The following EML1 variants were observed in gnomAD, a reference collection of about 807,000 sequenced individuals.
EML1 encodes echinoderm microtubule-associated protein-like 1.
In EML1, 27 loss-of-function variants were observed where a neutral mutation model predicts 110.4. The observed-to-expected ratio is 0.24, with a 90% confidence interval of 0.18 to 0.34. The LOEUF is 0.34. EML1 is among the 10% of genes least tolerant of loss of function. The pLI, the probability that EML1 is intolerant of heterozygous loss-of-function variation, is 1.00. For synonymous variants in EML1, 344 were observed against 385.8 expected (o/e 0.89, Z 1.27); for missense variants, 741 against 1,030.9 (o/e 0.72, Z 3.85).
chr14:99,924,857 T>C (rs771364889), intron 17 of EML1, among the ~76,000 whole-genome samples: 23 of 152,224 alleles, frequency 1.5e-4, no homozygotes, highest in Non-Finnish European at 2.8e-4. Context: ...GTTTCATCCT[T>C]CATCTTATTT....
intron 1 of EML1, among the ~76,000 whole-genome samples, chr14:99,795,426 C>G (rs546754572): frequency 6.6e-6 from 1 of 152,198 alleles, no homozygotes; most frequent in African/African-American, 2.4e-5. Context: ...TATTGAATTA[C>G]TTTTCTCAAA....
intron 1 of EML1, among the ~76,000 whole-genome samples, chr14:99,795,213 A>G (rs568545149): frequency 6.6e-6 from 1 of 152,362 alleles, no homozygotes; most frequent in African/African-American, 2.4e-5. Context: ...CAGTTTAGTC[A>G]TGAAGTTGAC....
rs77035685 is a variant in EML1 at position 99,939,579 on chromosome 14, C to A, written c.2322+252C>A. ...CCACAGGCTCACGACCCCGCCCTCC[C>A]CCACGGCTCCCTTGCTCCGGCCCTG... On this transcript the variant is annotated intron_variant, in intron 21 of 21. Coordinates refer to ENST00000262233, the MANE Select transcript of EML1 (RefSeq NM_004434.3). The surrounding 1 kb of genome is among the most constrained non-coding windows in gnomAD (Gnocchi z 4.2). Among the ~76,000 whole-genome samples, 561 of 152,294 alleles carry A rather than the reference C, an allele frequency of 3.7e-3. 2 individuals carry two copies. The highest frequency in any genetic ancestry group is 0.012 in the African/African-American group (501 of 41,562).
At chr14:99,748,129 G>C (rs917603468) in intron 1 of EML1, among the ~76,000 whole-genome samples, 15 of 152,100 alleles carry the variant, frequency 9.9e-5, no homozygotes, top group African/African-American at 3.6e-4. Flanking sequence ...GGATTCCCGG[G>C]GCCCTGCAGG....
chr14:99,911,003 C>A (rs1267105822), intron 12 of EML1, among the ~76,000 whole-genome samples: 1 of 152,204 alleles, frequency 6.6e-6, no homozygotes, highest in Non-Finnish European at 1.5e-5. Context: ...AGTATCCCTG[C>A]TGCTCTTGGC....
chr14:99,892,785 T>G (rs562994178), intron 5 of EML1, among the ~76,000 whole-genome samples: 2 of 152,370 alleles, frequency 1.3e-5, no homozygotes, highest in African/African-American at 4.8e-5. Flanking sequence ...ATTGGTTATA[T>G]ACATCCACAC....
At chr14:99,824,284 TCTC>T (rs2139754882) in intron 1 of EML1, among the ~76,000 whole-genome samples, 1 of 152,316 alleles carries the variant, frequency 6.6e-6, no homozygotes, top group East Asian at 1.9e-4. Context: ...TAATCCTCAT[TCTC>T]CTCTATGTGC....
chr14:99,758,330 T>C (rs935352257), intron 1 of EML1, among the ~76,000 whole-genome samples: 1 of 152,194 alleles, frequency 6.6e-6, no homozygotes, highest in African/African-American at 2.4e-5. Flanking sequence ...CATCAGAGGC[T>C]GAGGAGGGCT....
At chr14:99,846,707 A>G (rs376034957) in intron 1 of EML1, among the ~76,000 whole-genome samples, 131 of 152,268 alleles carry the variant, frequency 8.6e-4, no homozygotes, top group African/African-American at 3.1e-3. Context: ...TTATTTTAGA[A>G]ATTTGTAGGC....
rs531405504 is a variant in EML1, at chr14:99,775,381, C to T, written c.-27+1368C>T. ...ATGACAGGGAGGGAAGAGCCGGCTC[C>T]CGGAACAGTGGCATTTGAGATGAAC... On this transcript the variant is annotated intron_variant, in intron 1 of 22. Coordinates refer to the EML1 transcript ENST00000327921. 2.0e-5 allele frequency among the ~76,000 whole-genome samples: 3 copies of T among 152,252 alleles called. No homozygotes were observed. In the South Asian group the frequency reaches 6.2e-4, roughly 32 times the overall value.
In EML1 at chr14:99,940,208, T is replaced by C; in HGVS notation, c.*96T>C. On this transcript the variant is annotated 3_prime_UTR_variant, in exon 22 of 22. Coordinates refer to ENST00000262233, the MANE Select transcript of EML1 (RefSeq NM_004434.3). The stretch of plus-strand genomic sequence containing the variant: ...GATTTCTGTTTTGTTTAAAAAATTC[T>C]TACAAACCTCAGGAAAACTGTGCCC... 7.4e-6 allele frequency: 10 copies of C among 1,355,118 alleles called. No individual in the cohort carries two copies. The highest frequency in any genetic ancestry group is 9.5e-6 in the Non-Finnish European group (10 of 1,053,772). The allele number at this position is 1,355,118 out of a possible 1,614,324, so 83.9% of individuals were successfully genotyped here. A position where few individuals can be genotyped will look rare whatever the true frequency, so the allele number is the denominator to read the frequency against.
At chr14:99,843,298 G>GCAAATTTTTTTTAAAATTTTAAAAA (rs2058660762) in intron 1 of EML1, among the ~76,000 whole-genome samples, 1 of 152,094 alleles carries the variant, frequency 6.6e-6, no homozygotes, top group Non-Finnish European at 1.5e-5. Flanking sequence ...ATTCTTTCAT[G>GCAAATTTTTTTTAAAATTTTAAAAA]ATTTAAAAAG....
chr14:99,880,230 G>A (rs2059362417), intron 4 of EML1, among the ~76,000 whole-genome samples: 1 of 152,170 alleles, frequency 6.6e-6, no homozygotes, highest in African/African-American at 2.4e-5. Context: ...CATGCATCAT[G>A]CACTGAAGGG....
chr14:99,817,622 G>C (rs994239852), intron 1 of EML1, among the ~76,000 whole-genome samples: 7 of 152,176 alleles, frequency 4.6e-5, no homozygotes, highest in African/African-American at 1.7e-4. Flanking sequence ...CAGGGACTCA[G>C]GGGTCTGTGG....
At chr14:99,856,527 G>A (rs1046997964) in intron 2 of EML1, among the ~76,000 whole-genome samples, 1 of 152,172 alleles carries the variant, frequency 6.6e-6, no homozygotes, top group Non-Finnish European at 1.5e-5. Context: ...CCAAAATTAA[G>A]GAGCAAGTGG....
intron 1 of EML1, among the ~76,000 whole-genome samples, chr14:99,756,136 C>G (rs953621909): frequency 6.6e-6 from 1 of 152,174 alleles, no homozygotes; most frequent in African/African-American, 2.4e-5. Context: ...CCAGGGTGCC[C>G]AGAAGCCAGC....
At chr14:99,902,244 G>T (rs2059774848) in intron 9 of EML1, among the ~76,000 whole-genome samples, 1 of 152,152 alleles carries the variant, frequency 6.6e-6, no homozygotes, top group Non-Finnish European at 1.5e-5. Flanking sequence ...AGTAAACTAA[G>T]TAAGAAGGCT....
intron 9 of EML1, among the ~76,000 whole-genome samples, chr14:99,901,745 T>C (rs1015012892): frequency 5.3e-5 from 8 of 152,182 alleles, no homozygotes; most frequent in Non-Finnish European, 8.8e-5. Flanking sequence ...TTGGCGGGAT[T>C]TAGCCGGCTT....
At chr14:99,880,605 G>A (rs908661550) in intron 4 of EML1, among the ~76,000 whole-genome samples, 5 of 152,134 alleles carry the variant, frequency 3.3e-5, no homozygotes, top group Admixed American at 2.0e-4. Flanking sequence ...CGTCCCCATC[G>A]CTCACTCGAC....
Sources: gnomAD v4.1 joint callset for allele counts (sites outside exome capture counted in the v4.1 genomes callset) on GRCh38, gnomAD v4.1.1 for gene constraint, Gnocchi (gnomAD v3.1) non-coding constraint, MANE v1.5 for transcripts, NCBI Gene and HGNC (gene_info 2026-07-23, HGNC 2026-07-21) for gene names.